Variants in ARHGEF4 observed in about 807,000 individuals in gnomAD.
ARHGEF4 encodes APC-stimulated guanine nucleotide exchange factor 1.
Under a neutral mutation model 162.0 loss-of-function variants are expected in ARHGEF4, and 119 were observed. The ratio of observed to expected loss-of-function variants is 0.73; its 90% CI spans 0.63 to 0.86. The LOEUF is 0.86. Ranked by LOEUF, ARHGEF4 falls within the 40% of genes least tolerant of loss-of-function variation. The pLI, the probability that ARHGEF4 is intolerant of heterozygous loss-of-function variation, is 0.00. For missense variants in ARHGEF4, 2,488 were observed against 2,456.0 expected (o/e 1.01, Z -0.28); for synonymous variants, 1,014 against 979.9 (o/e 1.03, Z -0.65).
intron 1 of ARHGEF4, among the ~76,000 whole-genome samples, chr2:130,854,286 A>G (rs571047452): frequency 6.6e-6 from 1 of 152,296 alleles, no homozygotes; most frequent in African/African-American, 2.4e-5. Flanking sequence ...CCTGGAGCTC[A>G]TGCTTTGGCA....
intron 3 of ARHGEF4, among the ~76,000 whole-genome samples, chr2:130,939,282 T>C (rs1683141823): frequency 6.6e-6 from 1 of 152,218 alleles, no homozygotes; most frequent in Non-Finnish European, 1.5e-5. Flanking sequence ...AGGTGAAGTT[T>C]CTTTTCTTCT....
At chr2:131,010,634 T>A (rs759087129) in intron 4 of ARHGEF4, among the ~76,000 whole-genome samples, 4 of 152,242 alleles carry the variant, frequency 2.6e-5, no homozygotes, top group Non-Finnish European at 5.9e-5. Flanking sequence ...ATGTCCACAT[T>A]GGTGGTTCCT....
intron 1 of ARHGEF4, among the ~76,000 whole-genome samples, chr2:130,865,704 TTTTGTTTG>T (rs143950880): frequency 0.037 from 5,660 of 151,714 alleles, 332 homozygotes; most frequent in African/African-American, 0.12. Context: ...CAAAGATAGG[TTTTGTTTG>T]TTTGTTTGTT....
At chr2:131,020,821 G>A (rs1689076643) in intron 4 of ARHGEF4, among the ~76,000 whole-genome samples, 1 of 152,182 alleles carries the variant, frequency 6.6e-6, no homozygotes, top group Admixed American at 6.5e-5. Context: ...GTGTAAAAGT[G>A]TTCCTATTTC....
At chr2:130,868,166 C>G (rs906339312) in intron 1 of ARHGEF4, among the ~76,000 whole-genome samples, 8 of 151,974 alleles carry the variant, frequency 5.3e-5, no homozygotes, top group African/African-American at 1.9e-4. Context: ...ACGTCGTGAT[C>G]CGCCCGCCCC....
intron 4 of ARHGEF4, among the ~76,000 whole-genome samples, chr2:130,955,204 A>G (rs1684195728): frequency 6.6e-6 from 1 of 152,000 alleles, no homozygotes; most frequent in Non-Finnish European, 1.5e-5. Flanking sequence ...TCTTTTAATC[A>G]TGTTTCCTTT....
At chr2:130,969,870 C>A (rs935079920) in intron 4 of ARHGEF4, among the ~76,000 whole-genome samples, 1 of 152,130 alleles carries the variant, frequency 6.6e-6, no homozygotes, top group South Asian at 2.1e-4. Context: ...TCCATGATGC[C>A]GTAGAAATGG....
At chr2:131,041,510 C>G in intron 9 of ARHGEF4, 48 bp downstream of exon 9, 2 of 1,550,192 alleles carry the variant, frequency 1.3e-6, no homozygotes, top group Non-Finnish European at 1.8e-6. Context: ...CTGCATGCCT[C>G]CAGTCAGCCA....
intron 4 of ARHGEF4, among the ~76,000 whole-genome samples, chr2:130,955,887 T>A (rs2105174511): frequency 6.6e-6 from 1 of 152,316 alleles, no homozygotes; most frequent in South Asian, 2.1e-4. Flanking sequence ...CCTCCACTGT[T>A]CTTGAAAGCA....
chr2:130,884,235 C>T (rs1375245604), intron 1 of ARHGEF4, among the ~76,000 whole-genome samples: 1 of 151,824 alleles, frequency 6.6e-6, no homozygotes, highest in East Asian at 1.9e-4. Context: ...AATTTATACA[C>T]ACACACACGC....
chr2:130,964,745 A>T (rs1266017913), intron 4 of ARHGEF4, among the ~76,000 whole-genome samples: 2 of 152,226 alleles, frequency 1.3e-5, no homozygotes, highest in Non-Finnish European at 2.9e-5. Flanking sequence ...GCAGGACTGC[A>T]GCTCCCAGCG....
At chr2:131,026,376 C>T (rs1357827335) in intron 4 of ARHGEF4, among the ~76,000 whole-genome samples, 1 of 152,132 alleles carries the variant, frequency 6.6e-6, no homozygotes, top group African/African-American at 2.4e-5. Context: ...ACAGATTTGT[C>T]TATATTAAAA....
At position 130,951,149 on chromosome 2, in the gene ARHGEF4, C is replaced by G. The variant is rs114405961; in HGVS notation, c.3985+4514C>G. Reference sequence around the variant, plus strand: ...GGCTGATTTGATCTTCTATCTAGACCACTAAAACTTTCTTCCTATTGCAAT... The same window carrying G: ...GGCTGATTTGATCTTCTATCTAGACGACTAAAACTTTCTTCCTATTGCAAT... On this transcript the variant is annotated intron_variant, in intron 4 of 13. Transcript: ENST00000409359. 6.1e-3 allele frequency among the ~76,000 whole-genome samples: 926 copies of G among 152,304 alleles called. 8 individuals are homozygous for G. The highest frequency in any genetic ancestry group is 0.022 in the African/African-American group (894 of 41,570).
intron 1 of ARHGEF4, among the ~76,000 whole-genome samples, chr2:130,865,227 A>G (rs1682189044): frequency 6.6e-6 from 1 of 152,230 alleles, no homozygotes. Flanking sequence ...AATGACAGGG[A>G]TTTAGAGAAC....
intron 1 of ARHGEF4, among the ~76,000 whole-genome samples, chr2:130,893,298 CTG>C (rs1157541343): frequency 6.6e-6 from 1 of 152,190 alleles, no homozygotes; most frequent in African/African-American, 2.4e-5. Flanking sequence ...TTCCCTGAAA[CTG>C]TGTTACTCTC....
intron 1 of ARHGEF4, among the ~76,000 whole-genome samples, chr2:130,855,717 C>G (rs1202745769): frequency 6.6e-6 from 1 of 152,188 alleles, no homozygotes; most frequent in Non-Finnish European, 1.5e-5. Flanking sequence ...GATGATCTCT[C>G]AGGAGCCAAT....
chr2:130,990,313 C>T (rs963179371), intron 4 of ARHGEF4, among the ~76,000 whole-genome samples: 1 of 151,994 alleles, frequency 6.6e-6, no homozygotes, highest in African/African-American at 2.4e-5. Context: ...GTGTTTTGGG[C>T]ATTGGTAAAA....
At chr2:131,039,927 C>T (rs1486877324) in intron 6 of ARHGEF4, 89 bp from the exon 7 acceptor site, 2 of 1,492,802 alleles carry the variant, frequency 1.3e-6, no homozygotes, top group Non-Finnish European at 1.8e-6. Flanking sequence ...TGCGGGGCCT[C>T]CGAGGCCCGG....
In ARHGEF4 at chr2:130,843,885, G is replaced by A. The variant is rs144888973; in HGVS notation, c.39+6893G>A. 3.3e-5 allele frequency among the ~76,000 whole-genome samples: 5 copies of A among 152,318 alleles called. No homozygotes were observed. The East Asian group carries it at 9.7e-4, about 30-fold the overall frequency. On this transcript the variant is annotated intron_variant, in intron 1 of 13. Coordinates refer to ENST00000409359, the MANE Select transcript of ARHGEF4 (RefSeq NM_001367493.1). ...AGAGGGCCCCAGATTGATGTTTCTAGAGACATGAACTCCTGAAACCTTCTC... is the reference window on the plus strand; with the variant it reads ...AGAGGGCCCCAGATTGATGTTTCTAAAGACATGAACTCCTGAAACCTTCTC...
Sources: gnomAD v4.1 joint callset for allele counts (sites outside exome capture counted in the v4.1 genomes callset) on GRCh38, gnomAD v4.1.1 for gene constraint, MANE v1.5 for transcripts, NCBI Gene and HGNC (gene_info 2026-07-23, HGNC 2026-07-21) for gene names.